Variants in GRM7 observed in about 807,000 individuals in gnomAD.
GRM7 encodes the protein glutamate metabotropic receptor 7.
A neutral mutation model predicts 84.5 loss-of-function variants in GRM7; 35 were observed. The observed-to-expected ratio is 0.41, with a 90% confidence interval of 0.32 to 0.55. GRM7 has a LOEUF of 0.55. Ranked by LOEUF, GRM7 falls within the 20% of genes least tolerant of loss-of-function variation. The pLI is 0.19. For missense variants in GRM7, 1,003 were observed against 1,194.6 expected (o/e 0.84, Z 2.36); for synonymous variants, 487 against 455.1 (o/e 1.07, Z -0.89).
intron 1 of GRM7, among the ~76,000 whole-genome samples, chr3:6,921,299 G>C (rs944162196): frequency 6.6e-6 from 1 of 152,180 alleles, no homozygotes; most frequent in Non-Finnish European, 1.5e-5. Flanking sequence ...TAATGATTCA[G>C]AAAGCAATTT....
chr3:7,031,464 TA>T (rs897005840), intron 1 of GRM7, among the ~76,000 whole-genome samples: 27 of 152,106 alleles, frequency 1.8e-4, no homozygotes, highest in African/African-American at 6.0e-4. Context: ...TCGCCCAGGC[TA>T]GAGTGCAGTG....
chr3:7,713,788 A>G (rs895580139), intron 9 of GRM7, among the ~76,000 whole-genome samples: 55 of 136,052 alleles, frequency 4.0e-4, no homozygotes, highest in African/African-American at 1.4e-3. Context: ...AGAGCCACGG[A>G]TGCTTTCTTT....
At chr3:7,583,045 C>T (rs1045840603) in intron 8 of GRM7, among the ~76,000 whole-genome samples, 1 of 152,140 alleles carries the variant, frequency 6.6e-6, no homozygotes, top group African/African-American at 2.4e-5. Context: ...AATTAACTGC[C>T]ATTTCAAGCA....
intron 6 of GRM7, among the ~76,000 whole-genome samples, chr3:7,458,793 C>G (rs570367678): frequency 5.7e-4 from 87 of 152,100 alleles, no homozygotes; most frequent in Middle Eastern, 3.4e-3. Flanking sequence ...TGAATAGAAG[C>G]TATAGAATTA....
intron 1 of GRM7, among the ~76,000 whole-genome samples, chr3:7,105,001 A>G (rs1041685528): frequency 6.6e-6 from 1 of 151,878 alleles, no homozygotes; most frequent in African/African-American, 2.4e-5. Flanking sequence ...ATTTAGTAAT[A>G]CATGGTTGAA....
chr3:6,877,518 A>G (rs1034471182), intron 1 of GRM7, among the ~76,000 whole-genome samples: 1 of 152,172 alleles, frequency 6.6e-6, no homozygotes, highest in Non-Finnish European at 1.5e-5. Context: ...ATGCCAAGCA[A>G]GGGCCTTCTC....
intron 8 of GRM7, among the ~76,000 whole-genome samples, chr3:7,636,889 A>G (rs1251344606): frequency 7.0e-6 from 1 of 142,832 alleles, no homozygotes; most frequent in African/African-American, 2.7e-5. Context: ...TAGAAACACC[A>G]GGCATTCTGT....
chr3:7,494,290 GTGT>G (rs1484306004), intron 7 of GRM7, among the ~76,000 whole-genome samples: 2 of 152,150 alleles, frequency 1.3e-5, no homozygotes, highest in Admixed American at 6.6e-5. Flanking sequence ...AACTTGAAAA[GTGT>G]TGTCCTTCTA....
intron 1 of GRM7, among the ~76,000 whole-genome samples, chr3:6,941,483 G>C (rs1451130310): frequency 3.3e-5 from 5 of 152,138 alleles, no homozygotes; most frequent in Non-Finnish European, 7.4e-5. Context: ...TAGTCAGAAA[G>C]GTTTATGAAG....
chr3:7,046,705 G>C (rs765524265), intron 1 of GRM7, among the ~76,000 whole-genome samples: 4 of 152,032 alleles, frequency 2.6e-5, no homozygotes, highest in Non-Finnish European at 5.9e-5. Context: ...GAAGCAGTGA[G>C]ATAACTGAAA....
intron 1 of GRM7, among the ~76,000 whole-genome samples, chr3:6,927,453 GAA>G (rs1182382597): frequency 3.3e-5 from 2 of 60,410 alleles, no homozygotes; most frequent in Non-Finnish European, 5.3e-5. Flanking sequence ...AGAGAAGAAA[GAA>G]AGAGAGAGAG....
At chr3:7,147,778 A>G (rs772811679) in intron 2 of GRM7, among the ~76,000 whole-genome samples, 3 of 152,128 alleles carry the variant, frequency 2.0e-5, no homozygotes, top group African/African-American at 4.8e-5. Context: ...TGAGATTCTT[A>G]TTCTCTTCCT....
At chr3:7,525,130 GGGGA>G (rs2124996721) in intron 7 of GRM7, among the ~76,000 whole-genome samples, 1 of 151,486 alleles carries the variant, frequency 6.6e-6, no homozygotes, top group East Asian at 2.0e-4. Flanking sequence ...TGGGGGTAGG[GGGGA>G]GGGATAGCAT....
chr3:6,918,727 T>C (rs932438929), intron 1 of GRM7, among the ~76,000 whole-genome samples: 17 of 152,148 alleles, frequency 1.1e-4, no homozygotes, highest in African/African-American at 3.6e-4. Context: ...AGGTTGAAAC[T>C]GACCTTAGGA....
chr3:7,452,624 A>C lies in GRM7; in HGVS notation c.1192A>C (p.Lys398Gln). 1 of 1,610,668 alleles carries C rather than the reference A, an allele frequency of 6.2e-7. No homozygotes were observed. The highest frequency in any genetic ancestry group is 8.5e-7 in the Non-Finnish European group (1 of 1,177,048). ...RKCTGQERIG[K>Q]DSNYEQEGKV... is the part of the protein sequence containing the mutation. ...ATGTGCAGGACAGGAGAGAATTGGA[A>C]AAGATTCCAACTATGAGCAGGAGGG... The change falls in exon 6 of 10, where the codon AAA becomes CAA. Residue 398 changes from lysine (K) to glutamine (Q), a missense_variant. Physicochemically the swap from Lys to Gln is moderately conservative, Grantham distance 53. This residue lies in a region of GRM7 where 910 missense variants were observed against 1,126.0 expected (regional missense o/e 0.81). Coordinates refer to ENST00000357716, the MANE Select transcript of GRM7 (RefSeq NM_000844.4).
At chr3:7,065,206 T>A (rs763732709) in intron 1 of GRM7, among the ~76,000 whole-genome samples, 17 of 151,972 alleles carry the variant, frequency 1.1e-4, no homozygotes, top group Non-Finnish European at 2.2e-4. Flanking sequence ...AGGCACCAGC[T>A]ATTTATCTTT....
intron 4 of GRM7, among the ~76,000 whole-genome samples, chr3:7,326,500 C>T (rs1700992999): frequency 6.6e-6 from 1 of 151,896 alleles, no homozygotes; most frequent in South Asian, 2.1e-4. Context: ...ATTAAGCACC[C>T]TACGTATCAA....
At chr3:7,641,875 G>A (rs955614269) in intron 8 of GRM7, among the ~76,000 whole-genome samples, 1 of 150,586 alleles carries the variant, frequency 6.6e-6, no homozygotes, top group Non-Finnish European at 1.5e-5. Flanking sequence ...TTGTCGTTTT[G>A]TTTTGTTTTG....
chr3:7,156,890 A>G (rs183651505), intron 2 of GRM7, among the ~76,000 whole-genome samples: 2 of 152,174 alleles, frequency 1.3e-5, no homozygotes, highest in Middle Eastern at 3.4e-3. Context: ...TTTTCAAAAC[A>G]TTTTTGAGAA....
Sources: gnomAD v4.1 joint callset for allele counts (sites outside exome capture counted in the v4.1 genomes callset) on GRCh38, gnomAD v4.1.1 for gene constraint, gnomAD v4.1.1 regional missense constraint, MANE v1.5 for transcripts, NCBI Gene and HGNC (gene_info 2026-07-23, HGNC 2026-07-21) for gene names.